The following ZSWIM5 variants were observed in gnomAD, a reference collection of about 807,000 sequenced individuals.
ZSWIM5 encodes the protein zinc finger SWIM-type containing 5.
Under a neutral mutation model 119.6 loss-of-function variants are expected in ZSWIM5, and 55 were observed. That is an observed-to-expected ratio of 0.46 (90% CI 0.37 to 0.58). ZSWIM5 has a LOEUF of 0.58. Ranked by LOEUF, ZSWIM5 falls within the 20% of genes least tolerant of loss-of-function variation. The pLI is 0.00. For synonymous variants in ZSWIM5, 537 were observed against 606.9 expected, an observed-to-expected ratio of 0.88 and a Z score of 1.69; for missense variants, 1,193 against 1,512.8, an observed-to-expected ratio of 0.79 and a Z score of 3.51.
rs554515593 is a variant in ZSWIM5 at position 45,196,817 on chromosome 1, T to G, written c.595+8939A>C. Reference sequence around the variant, plus strand: ...GAATATAGTCATGTAACCACTACAGTCATTAACATTTCCATCACCCAGAAG... The same window carrying G: ...GAATATAGTCATGTAACCACTACAGGCATTAACATTTCCATCACCCAGAAG... On this transcript the variant is annotated intron_variant, in intron 1 of 13. Coordinates refer to ENST00000359600, the MANE Select transcript of ZSWIM5 (RefSeq NM_020883.2). Among the ~76,000 whole-genome samples the G allele has an allele frequency of 1.2e-4, 18 of 152,320 alleles. No homozygotes were observed. In the South Asian group the frequency reaches 3.3e-3, roughly 28 times the overall value.
At chr1:45,097,755 GC>G (rs1434702710) in intron 1 of ZSWIM5, among the ~76,000 whole-genome samples, 1 of 152,026 alleles carries the variant, frequency 6.6e-6, no homozygotes, top group African/African-American at 2.4e-5. Context: ...AGGCTGGAGT[GC>G]AGTGGTGCGA....
chr1:45,152,464 T>A (rs1465574054), intron 1 of ZSWIM5, among the ~76,000 whole-genome samples: 1 of 151,622 alleles, frequency 6.6e-6, no homozygotes, highest in Admixed American at 6.6e-5. Flanking sequence ...TCTATAGCCA[T>A]CTGATCTTTG....
intron 3 of ZSWIM5, 103 bp from the exon 4 acceptor site, chr1:45,058,862 C>T: frequency 7.5e-6 from 10 of 1,325,542 alleles, no homozygotes; most frequent in African/African-American, 1.4e-5. Flanking sequence ...TATCTGAGTA[C>T]ACCATATCCA....
Position 45,060,247 on chromosome 1 carries a change from C to A in ZSWIM5, c.953G>T (p.Gly318Val). 6.2e-7 allele frequency: 1 copy of A among 1,613,344 alleles called. No individual in the cohort carries two copies. The highest frequency in any genetic ancestry group is 1.3e-5 in the African/African-American group (1 of 74,974). ...GGCCCCAGCTGTGGGGTCAGGGGCA[C>A]CTATGAAGAATGAGAACAGTGAAAT... ...SSNSEINQVN[G>V]APDPTAGASI... The change falls in exon 3 of 14, where the codon GGT (glycine) becomes GTT (valine). Residue 318 changes from glycine (G) to valine (V), a missense_variant and splice_region_variant. Transcript: ENST00000359600.
At chr1:45,162,547 G>A (rs1172475300) in intron 1 of ZSWIM5, among the ~76,000 whole-genome samples, 1 of 152,240 alleles carries the variant, frequency 6.6e-6, no homozygotes, top group Non-Finnish European at 1.5e-5. Context: ...AAGTGCAAGA[G>A]GTCAGGGAAT....
rs1440551688 is a variant in ZSWIM5, at chr1:45,044,796, TATATATAA to T, written c.1433-1409_1433-1402del. Among the ~76,000 whole-genome samples, 10 of 3,382 alleles carry T rather than the reference TATATATAA, an allele frequency of 3.0e-3. 4 individuals carry two copies. The East Asian group carries it at 0.1, about 35-fold the overall frequency. 2.2% of individuals were successfully genotyped at this position (3,382 alleles called of 152,430 possible). Reference sequence around the variant, plus strand: ...ATATAAATATATATATATAAATATATATATATAAATATATATATATATATAAATATATA... The same window carrying T: ...ATATAAATATATATATATAAATATATATATATATATATATATAAATATATA... On this transcript the variant is annotated intron_variant, in intron 5 of 13. Coordinates refer to ENST00000359600, the MANE Select transcript of ZSWIM5 (RefSeq NM_020883.2).
intron 11 of ZSWIM5, among the ~76,000 whole-genome samples, chr1:45,023,240 C>G (rs568715239): frequency 1.3e-5 from 2 of 152,312 alleles, no homozygotes; most frequent in East Asian, 3.9e-4. Flanking sequence ...CTGTTCATCT[C>G]TTTCTCCATT....
chr1:45,194,784 G>C (rs943943470), intron 1 of ZSWIM5, among the ~76,000 whole-genome samples: 1 of 151,940 alleles, frequency 6.6e-6, no homozygotes. Context: ...GGCTGAGGCA[G>C]GAGAATGGTG....
At position 45,206,375 on chromosome 1, in the gene ZSWIM5, A is replaced by C; in HGVS notation, c.-25T>G. 1 of 1,361,962 alleles carries C rather than the reference A, an allele frequency of 7.3e-7. No homozygotes were observed. The highest frequency in any genetic ancestry group is 9.4e-7 in the Non-Finnish European group (1 of 1,059,690). The allele number at this position is 1,361,962 out of a possible 1,614,324, so 84.4% of individuals were successfully genotyped here. On this transcript the variant is annotated 5_prime_UTR_variant, in exon 1 of 14. Transcript: ENST00000359600. ...TTGCTGGGGACTGACTGACTGACTG[A>C]GGCGGCGGCGGCTGCTCGGGCTGCG...
chr1:45,161,645 C>A (rs779728193), intron 1 of ZSWIM5, among the ~76,000 whole-genome samples: 41 of 152,122 alleles, frequency 2.7e-4, no homozygotes, highest in Admixed American at 3.9e-4. Flanking sequence ...GAAGTGTGCA[C>A]GTTCACTTTT....
chr1:45,023,043 C>T (rs1014238597), intron 11 of ZSWIM5, among the ~76,000 whole-genome samples: 2 of 152,116 alleles, frequency 1.3e-5, no homozygotes, highest in Non-Finnish European at 2.9e-5. Context: ...GCTGATTGTA[C>T]ATAATTATTA....
intron 2 of ZSWIM5, among the ~76,000 whole-genome samples, chr1:45,078,005 T>C (rs934332604): frequency 1.3e-5 from 2 of 152,222 alleles, no homozygotes; most frequent in Non-Finnish European, 1.5e-5. Flanking sequence ...CTGTACAATC[T>C]GTGCAGTTAA....
At chr1:45,141,152 C>G (rs1053253100) in intron 1 of ZSWIM5, among the ~76,000 whole-genome samples, 1 of 152,170 alleles carries the variant, frequency 6.6e-6, no homozygotes, top group African/African-American at 2.4e-5. Context: ...GCTGCAGCAC[C>G]AGTAGCAACG....
Position 45,206,518 on chromosome 1 carries a change from C to A in ZSWIM5, c.-168G>T. On this transcript the variant is annotated 5_prime_UTR_variant, in exon 1 of 14. Coordinates refer to ENST00000359600, the MANE Select transcript of ZSWIM5 (RefSeq NM_020883.2). ...CCGAGTGGGGAACCGCGGCCGGGCC[C>A]GGGAGCGCGCCGCGAGGGCAGACGC... is the stretch of plus-strand genomic sequence containing the variant. The A allele has an allele frequency of 9.4e-7, 1 of 1,063,724 alleles. No homozygotes were observed. The allele number at this position is 1,063,724 out of a possible 1,614,324, so 65.9% of individuals were successfully genotyped here.
Position 45,035,679 on chromosome 1 carries a change from GC to G in ZSWIM5, c.2291+8del, listed in dbSNP as rs1404976789. On this transcript the variant is annotated splice_region_variant and intron_variant, in intron 10 of 13. Transcript: ENST00000359600. ...GTGGAGGCAATTGGACTGGGAAAGG[GC>G]TACCCACCTCATGGCACGTAAGGCT... 6.2e-7 allele frequency: 1 copy of G among 1,612,414 alleles called. No individual in the cohort carries two copies. The highest frequency in any genetic ancestry group is 8.5e-7 in the Non-Finnish European group (1 of 1,179,832).
intron 1 of ZSWIM5, among the ~76,000 whole-genome samples, chr1:45,172,708 A>G (rs957693342): frequency 6.6e-6 from 1 of 152,152 alleles, no homozygotes; most frequent in Non-Finnish European, 1.5e-5. Flanking sequence ...AGATTGCTAT[A>G]TATCTTTTTC....
intron 2 of ZSWIM5, among the ~76,000 whole-genome samples, chr1:45,086,221 A>C (rs1023959426): frequency 2.0e-5 from 3 of 152,176 alleles, no homozygotes; most frequent in African/African-American, 7.2e-5. Context: ...CTCACTCATT[A>C]TCAGGAGAAC....
chr1:45,197,716 T>G (rs1447040559), intron 1 of ZSWIM5, among the ~76,000 whole-genome samples: 1 of 152,272 alleles, frequency 6.6e-6, no homozygotes, highest in Non-Finnish European at 1.5e-5. Context: ...CACTTTGTTT[T>G]GCACTAAGAT....
rs1367541997 is a variant in ZSWIM5, at chr1:45,132,806, C to T, written c.596-44569G>A. On this transcript the variant is annotated intron_variant, in intron 1 of 13. Transcript: ENST00000359600. ...GGCCCCAGTGTGTGATGTTCCCCTT[C>T]CTGTGTCCAAATGTTCTCATTGTTC... Among the ~76,000 whole-genome samples, 6 of 152,196 alleles carry T rather than the reference C, an allele frequency of 3.9e-5. No homozygotes were observed. In the East Asian group the frequency reaches 1.2e-3, roughly 29 times the overall value.
Sources: allele counts gnomAD v4.1 joint callset (sites outside exome capture counted in the v4.1 genomes callset), GRCh38; gene constraint gnomAD v4.1.1; transcripts MANE v1.5; gene names NCBI Gene and HGNC (gene_info 2026-07-23, HGNC 2026-07-21).